Variants in ECD observed in about 807,000 individuals in gnomAD.
ECD encodes the protein ecdysoneless cell cycle regulator.
In ECD, 59 loss-of-function variants were observed where a neutral mutation model predicts 77.2. That is an observed-to-expected ratio of 0.76 (90% CI 0.62 to 0.95). The LOEUF is 0.95. Ranked by LOEUF, ECD falls within the 40% of genes least tolerant of loss-of-function variation. The probability of loss-of-function intolerance (pLI) is 0.00; values close to 1 mark genes in which losing one functional copy is unlikely to be tolerated. For synonymous variants in ECD, 233 were observed against 267.4 expected (o/e 0.87, Z 1.26); for missense variants, 704 against 763.4 (o/e 0.92, Z 0.92).
At chr10:73,142,121 T>G (rs1843065262) in intron 9 of ECD, among the ~76,000 whole-genome samples, 2 of 152,048 alleles carry the variant, frequency 1.3e-5, no homozygotes, top group Non-Finnish European at 2.9e-5. Context: ...GCTATTTATT[T>G]ATTTTTAATT....
At chr10:73,146,164 T>G (rs1251206267) in intron 9 of ECD, 112 bp downstream of exon 9, 1 of 435,334 alleles carries the variant, frequency 2.3e-6, no homozygotes, top group Non-Finnish European at 3.3e-6. Flanking sequence ...GGTGACAGAG[T>G]GAGACTCCGT....
intron 1 of ECD, among the ~76,000 whole-genome samples, chr10:73,166,798 CAGA>C (rs1312679485): frequency 6.6e-6 from 1 of 152,186 alleles, no homozygotes; most frequent in Non-Finnish European, 1.5e-5. Context: ...CTTTGCTGTG[CAGA>C]AGCTTTTTAA....
At position 73,139,460 on chromosome 10, in the gene ECD, C is replaced by T. The variant is rs780621697; in HGVS notation, c.1270G>A (p.Asp424Asn). 2 of 1,614,034 alleles carry T rather than the reference C, an allele frequency of 1.2e-6. No individual in the cohort carries two copies. The highest frequency in any genetic ancestry group is 1.7e-6 in the Non-Finnish European group (2 of 1,180,008). ...CCAACAGCTTCCTGCAGCAGCTGGT[C>T]CAGCTGATCTGGTGAGAGATCTAAC... ...QWLDLSPDQL[D>N]QLLQEAVGKK... is the part of the protein sequence containing the mutation. Residue 424 changes from aspartate to asparagine, a missense_variant, in exon 11 of 14, where the codon GAC becomes AAC. Around this residue, in one of 3 missense-constraint regions of ECD, gnomAD observed 559 missense variants for 583.7 expected, o/e 0.96. Coordinates refer to ENST00000372979, the MANE Select transcript of ECD (RefSeq NM_007265.3).
intron 3 of ECD, 26 bp from the exon 4 acceptor site, chr10:73,156,681 G>A: frequency 6.2e-7 from 1 of 1,604,318 alleles, no homozygotes; most frequent in Non-Finnish European, 8.5e-7. Context: ...TTCCAATTTT[G>A]CATTCAAAAA....
chr10:73,138,698 C>A (rs1223298777), intron 11 of ECD, among the ~76,000 whole-genome samples: 1 of 152,126 alleles, frequency 6.6e-6, no homozygotes, highest in Non-Finnish European at 1.5e-5. Context: ...TTTCAAGTAG[C>A]TGGGATTATA....
chr10:73,137,003 T>C (rs1842982849), intron 12 of ECD, 85 bp from the exon 13 acceptor site: 3 of 679,196 alleles, frequency 4.4e-6, no homozygotes, highest in Non-Finnish European at 6.0e-6. Flanking sequence ...ACTACACATC[T>C]CAAAATAATT....
chr10:73,163,953 A>T lies in ECD; in HGVS notation c.-13-3T>A, dbSNP rs1286286687. The stretch of plus-strand genomic sequence containing the variant: ...TTTCTTCCATTCTTCTTTGAAAACT[A>T]TGTTTAAAGTTCCAAAATATAAACC... On this transcript the variant is annotated splice_region_variant and splice_polypyrimidine_tract_variant and intron_variant, in intron 1 of 13. Coordinates refer to ENST00000372979, the MANE Select transcript of ECD (RefSeq NM_007265.3). The T allele has an allele frequency of 6.3e-7, 1 of 1,594,408 alleles. No individual in the cohort carries two copies. The highest frequency in any genetic ancestry group is 1.6e-5 in the African/African-American group (1 of 62,616).
chr10:73,142,011 G>A (rs760819822), intron 9 of ECD, among the ~76,000 whole-genome samples: 8 of 151,992 alleles, frequency 5.3e-5, no homozygotes, highest in African/African-American at 1.4e-4. Context: ...GCTAGAGTGC[G>A]TGGCATGATC....
At chr10:73,166,734 TG>T in intron 1 of ECD, among the ~76,000 whole-genome samples, 1 of 152,356 alleles carries the variant, frequency 6.6e-6, no homozygotes, top group East Asian at 1.9e-4. Context: ...ATGGGTAGTT[TG>T]CAAATATTTT....
Position 73,156,755 on chromosome 10 carries a change from A to G in ECD, c.324-100T>C, listed in dbSNP as rs1247349480. The G allele has an allele frequency of 3.5e-6, 4 of 1,133,100 alleles. No individual in the cohort carries two copies. In the African/African-American group the frequency reaches 4.6e-5, roughly 13 times the overall value. 70.2% of individuals were successfully genotyped at this position (1,133,100 alleles called of 1,614,324 possible). On this transcript the variant is annotated intron_variant, in intron 3 of 13. Coordinates refer to ENST00000372979, the MANE Select transcript of ECD (RefSeq NM_007265.3). ...TACATTTTCCTCTTCATCTTAGTAA[A>G]TATTTGAGTATGTACTATGTGCAGA...
At chr10:73,148,470 T>C in intron 7 of ECD, 66 bp from the exon 8 acceptor site, 1 of 1,554,620 alleles carries the variant, frequency 6.4e-7, no homozygotes, top group Non-Finnish European at 8.7e-7. Context: ...TATAACACAT[T>C]ACTTTTTTTC....
chr10:73,148,530 C>T, intron 7 of ECD, 126 bp from the exon 8 acceptor site: 3 of 972,272 alleles, frequency 3.1e-6, no homozygotes, highest in Non-Finnish European at 4.3e-6. Flanking sequence ...GGCATTTGGA[C>T]AATTATAACA....
rs746245138 is a variant in ECD at position 73,156,418 on chromosome 10, A to G, written c.447T>C (p.Pro149=). The change falls in exon 5 of 14, where the codon CCT becomes CCC. Residue 149 remains proline, a synonymous_variant. Transcript: ENST00000372979. ...FFCHGELCII[P]APRKSGAESW... is the part of the protein sequence containing the mutation. ...ATTCTGCTCCAGATTTTCTTGGTGC[A>G]GGGATAATACACAATTCCCCATGGC... The G allele has an allele frequency of 3.7e-6, 6 of 1,612,370 alleles. No homozygotes were observed. The highest frequency in any genetic ancestry group is 5.1e-6 in the Non-Finnish European group (6 of 1,179,504).
chr10:73,138,011 T>G lies in ECD; in HGVS notation c.1481A>C (p.Lys494Thr), dbSNP rs1221790693. Reference protein sequence around the residue: ...DADSFLNYFDKILGPRPNESD... With the variant: ...DADSFLNYFDTILGPRPNESD... ...ATCACACCACTACTTACCTAAAATCTTATCAAAATAATTAAGAAAAGAATC... is the reference window on the plus strand; with the variant it reads ...ATCACACCACTACTTACCTAAAATCGTATCAAAATAATTAAGAAAAGAATC... Residue 494 changes from lysine to threonine, a missense_variant, in exon 12 of 14, where the codon AAG (lysine) becomes ACG (threonine). By Grantham distance (78) the Lys-to-Thr change is moderately conservative. Coordinates refer to ENST00000372979, the MANE Select transcript of ECD (RefSeq NM_007265.3). The G allele has an allele frequency of 5.6e-6, 9 of 1,595,288 alleles. 1 individual carries two copies. The South Asian group carries it at 6.9e-5, about 12-fold the overall frequency.
chr10:73,134,867 G>A (rs1842959581), intron 13 of ECD, 54 bp from the exon 14 acceptor site: 5 of 1,449,360 alleles, frequency 3.4e-6, no homozygotes, highest in Non-Finnish European at 4.8e-6. Flanking sequence ...TAGGTTGCAT[G>A]GTGGTTACAA....
intron 13 of ECD, among the ~76,000 whole-genome samples, chr10:73,135,979 T>C (rs1216762548): frequency 6.6e-6 from 1 of 152,166 alleles, no homozygotes; most frequent in Non-Finnish European, 1.5e-5. Flanking sequence ...TTAACATTAA[T>C]TAAAGGCCTA....
At chr10:73,149,759 T>G (rs1463041387) in intron 7 of ECD, among the ~76,000 whole-genome samples, 1 of 152,190 alleles carries the variant, frequency 6.6e-6, no homozygotes, top group Non-Finnish European at 1.5e-5. Context: ...AAGGAACATC[T>G]GTTTTGCCAA....
rs1843269614 is a variant in ECD, at chr10:73,154,442, T to C, written c.597A>G (p.Pro199=). The C allele has an allele frequency of 6.2e-7, 1 of 1,607,792 alleles. No homozygotes were observed. Among genetic ancestry groups the C allele is most frequent in the South Asian group, 1.1e-5 (1 of 90,222 alleles). Residue 199 remains proline, a synonymous_variant, in exon 6 of 14, where the codon CCA becomes CCG. Transcript: ENST00000372979. ...GATGAAGTGAGGCCTGAATTTTTTC[T>C]GGGTACCTGGGACAGGTAACATAAT... The part of the protein sequence containing the change: ...AAVNRRIRGY[P]EKIQASLHRA...
At position 73,163,793 on chromosome 10, in the gene ECD, T is replaced by C. The variant is rs748081084; in HGVS notation, c.145A>G (p.Met49Val). 1.2e-6 allele frequency: 2 copies of C among 1,614,180 alleles called. No homozygotes were observed. Among genetic ancestry groups the C allele is most frequent in the South Asian group, 1.1e-5 (1 of 91,080 alleles). Residue 49 changes from methionine to valine, a missense_variant, in exon 2 of 14, where the codon ATG (methionine) becomes GTG (valine). Met to Val is a conservative substitution (Grantham distance 21). Coordinates refer to ENST00000372979, the MANE Select transcript of ECD (RefSeq NM_007265.3). ...IERIITRFAP[M>V]LVPYIWQNQP... ...TTCTGCCAGATGTAGGGGACCAGCA[T>C]AGGTGCAAACCGAGTGATTATTCTC...
Sources: gnomAD v4.1 joint callset for allele counts (sites outside exome capture counted in the v4.1 genomes callset) on GRCh38, gnomAD v4.1.1 for gene constraint, gnomAD v4.1.1 regional missense constraint, MANE v1.5 for transcripts, NCBI Gene and HGNC (gene_info 2026-07-23, HGNC 2026-07-21) for gene names.